MSH6: variants seen among roughly 807,000 people sequenced by gnomAD.
MSH6 encodes mutS homolog 6.
Under a neutral mutation model 119.1 loss-of-function variants are expected in MSH6, and 85 were observed. The observed-to-expected ratio is 0.71, with a 90% confidence interval of 0.60 to 0.85. The LOEUF (loss-of-function observed/expected upper bound fraction) is 0.85. Ranked by LOEUF, MSH6 falls within the 40% of genes least tolerant of loss-of-function variation. The probability of loss-of-function intolerance (pLI) is 0.00; values close to 1 mark genes in which losing one functional copy is unlikely to be tolerated. For missense variants in MSH6, 2,163 were observed against 1,655.3 expected (o/e 1.31, Z -5.32); for synonymous variants, 830 against 586.9 (o/e 1.41, Z -5.99).
At chr2:47,795,222 C>A (rs1423622371) in intron 2 of MSH6, among the ~76,000 whole-genome samples, 1 of 152,172 alleles carries the variant, frequency 6.6e-6, no homozygotes, top group East Asian at 1.9e-4. Context: ...TGGGTGAACC[C>A]ATAGGGCACC....
chr2:47,804,858 T>C (rs931381121), intron 5 of MSH6, 52 bp from the exon 6 acceptor site: 7 of 1,394,756 alleles, frequency 5.0e-6, no homozygotes, highest in Non-Finnish European at 7.1e-6. Context: ...GACAAAAGTT[T>C]ATGAAACTGT....
At chr2:47,809,585 C>G (rs1670471006), downstream of MSH6, 4 of 1,557,394 alleles carry the variant, frequency 2.6e-6, no homozygotes, top group East Asian at 2.2e-5. Context: ...ATAGGTATAG[C>G]AGACTCCAAC....
chr2:47,807,001 T>C (rs1670252384), downstream of MSH6: 8 of 694,600 alleles, frequency 1.2e-5, no homozygotes, highest in East Asian at 8.1e-5. Flanking sequence ...TTAATTCTTA[T>C]CTACCTTCTA....
Position 47,806,220 on chromosome 2 carries a change from A to G in MSH6, c.3663A>G (p.Thr1221=), listed in dbSNP as rs876660304. The G allele has an allele frequency of 6.2e-7, 1 of 1,614,082 alleles. No individual in the cohort carries two copies. The highest frequency in any genetic ancestry group is 8.5e-7 in the Non-Finnish European group (1 of 1,179,984). Residue 1221 remains threonine (T), a synonymous_variant, in exon 8 of 10, where the codon ACA becomes ACG. Coordinates refer to ENST00000234420, the MANE Select transcript of MSH6 (RefSeq NM_000179.3). ...CTTTAACAGGAAGAGGTACTGCAAC[A>G]TTTGATGGGACGGCAATAGCAAATG... ...LVDELGRGTA[T]FDGTAIANAV...
rs63750784 is a variant in MSH6, at chr2:47,803,453, G to A, written c.3206G>A (p.Gly1069Glu). 3 of 1,614,132 alleles carry A rather than the reference G, an allele frequency of 1.9e-6. No individual in the cohort carries two copies. The highest frequency in any genetic ancestry group is 1.7e-6 in the Non-Finnish European group (2 of 1,180,038). ...CTGTGCCTGGCTAACTATAGTCGAG[G>A]GGGTGATGGTCCTATGTGTCGCCCA... ...VLLCLANYSR[G>E]GDGPMCRPVI... The change falls in exon 5 of 10, where the codon GGG (glycine) becomes GAG (glutamate). Residue 1069 changes from glycine to glutamate, a missense_variant. Physicochemically the swap from Gly to Glu is moderately conservative, Grantham distance 98 (BLOSUM62 -2). Coordinates refer to ENST00000234420, the MANE Select transcript of MSH6 (RefSeq NM_000179.3).
chr2:47,784,269 GAT>G, intron 1 of MSH6: 1 of 989,616 alleles, frequency 1.0e-6, no homozygotes, highest in Non-Finnish European at 1.2e-6. Flanking sequence ...CCGAGACGAA[GAT>G]AGAATATTTT....
chr2:47,786,646 G>A (rs901064870), intron 1 of MSH6, among the ~76,000 whole-genome samples: 2 of 152,024 alleles, frequency 1.3e-5, no homozygotes, highest in African/African-American at 2.4e-5. Context: ...GAGCCACCGT[G>A]TCTGTCCGAG....
chr2:47,804,026 C>T (rs1305695132), intron 5 of MSH6, among the ~76,000 whole-genome samples: 2 of 152,126 alleles, frequency 1.3e-5, no homozygotes, highest in African/African-American at 4.8e-5. Flanking sequence ...CAGGTTTATC[C>T]TTAAATTAGA....
chr2:47,809,516 TA>T, downstream of MSH6: 1 of 982,618 alleles, frequency 1.0e-6, no homozygotes, highest in Non-Finnish European at 1.5e-6. Flanking sequence ...GAGAGTGACA[TA>T]AGGAATCAAG....
At chr2:47,786,833 A>C (rs1668380098) in intron 1 of MSH6, among the ~76,000 whole-genome samples, 1 of 151,692 alleles carries the variant, frequency 6.6e-6, no homozygotes, top group Non-Finnish European at 1.5e-5. Context: ...TAGAGGTCTC[A>C]CTTTGTTGCC....
chr2:47,788,221 A>ATTTCT (rs1668458390), intron 1 of MSH6, among the ~76,000 whole-genome samples: 1 of 96,952 alleles, frequency 1.0e-5, no homozygotes, highest in Non-Finnish European at 2.2e-5. Context: ...GCTTACTGCT[A>ATTTCT]TTTCTTTTCT....
rs775248712 is a variant in MSH6 at position 47,803,510 on chromosome 2, T to C, written c.3263T>C (p.Phe1088Ser). ...VILLPEDTPP[F>S]LELKGSRHPC... ...CTGTTGCCGGAAGATACCCCCCCCT[T>C]CTTAGAGCTTAAAGGATCACGCCAT... Residue 1088 changes from phenylalanine (F) to serine (S), a missense_variant, in exon 5 of 10, where the codon TTC becomes TCC. Transcript: ENST00000234420. 2 of 1,614,092 alleles carry C rather than the reference T, an allele frequency of 1.2e-6. No homozygotes were observed. The highest frequency in any genetic ancestry group is 2.2e-5 in the South Asian group (2 of 91,066).
At chr2:47,808,158 G>C (rs1447625316), downstream of MSH6, 1 of 1,613,272 alleles carries the variant, frequency 6.2e-7, no homozygotes, top group Admixed American at 1.7e-5. Context: ...AGGTGGAGCA[G>C]AGTCATATAG....
At position 47,800,925 on chromosome 2, in the gene MSH6, T is replaced by C. The variant is rs1669530348; in HGVS notation, c.2942T>C (p.Ile981Thr). The change falls in exon 4 of 10, where the codon ATT becomes ACT. Residue 981 changes from isoleucine to threonine, a missense_variant. Ile to Thr is a moderately conservative substitution (Grantham distance 89, BLOSUM62 -1). Coordinates refer to ENST00000234420, the MANE Select transcript of MSH6 (RefSeq NM_000179.3). ...GGTAGGAACCGTTACCAGCTGGAAA[T>C]TCCTGAGAATTTCACCACTCGCAAT... ...GIGRNRYQLE[I>T]PENFTTRNLP... The C allele has an allele frequency of 6.3e-7, 1 of 1,578,638 alleles. No individual in the cohort carries two copies. Among genetic ancestry groups the C allele is most frequent in the South Asian group, 1.2e-5 (1 of 85,434 alleles).
At chr2:47,808,309 C>T, downstream of MSH6, 1 of 1,612,118 alleles carries the variant, frequency 6.2e-7, no homozygotes, top group Non-Finnish European at 8.5e-7. Flanking sequence ...GGTAATATAT[C>T]AAGCAAGTGT....
Position 47,788,246 on chromosome 2 carries a change from C to CTTTTTTTT in MSH6, c.261-2662_261-2655dup, listed in dbSNP as rs560110301. 8.5e-3 allele frequency among the ~76,000 whole-genome samples: 766 copies of CTTTTTTTT among 90,096 alleles called. 3 individuals carry two copies. The highest frequency in any genetic ancestry group is 0.01 in the Non-Finnish European group (505 of 48,436). The allele number at this position is 90,096 out of a possible 152,430, so 59.1% of individuals were successfully genotyped here. On this transcript the variant is annotated intron_variant, in intron 1 of 9. Coordinates refer to ENST00000234420, the MANE Select transcript of MSH6 (RefSeq NM_000179.3). ...ATTTCTTTTCTTTCATTCTTTCTTT[C>CTTTTTTTT]TTTTTTTTTTTTTTTTTTTTTTTTT...
chr2:47,788,934 T>TTTTTTTTTTTTTTTTG (rs1668554089), intron 1 of MSH6, among the ~76,000 whole-genome samples: 5 of 99,652 alleles, frequency 5.0e-5, no homozygotes, highest in Admixed American at 9.8e-5. Context: ...TTTTTTTTTT[T>TTTTTTTTTTTTTTTTG]TTTTTTTTTT....
rs1558660372 is a variant in MSH6 at position 47,799,053 on chromosome 2, A to C, written c.1070A>C (p.Asp357Ala). Residue 357 changes from aspartate (D) to alanine (A), a missense_variant, in exon 4 of 10, where the codon GAT (aspartate) becomes GCT (alanine). Asp to Ala is a moderately radical substitution (Grantham distance 126). Transcript: ENST00000234420. The part of the protein sequence containing the change: ...ESQAHVSGGG[D>A]DSSRPTVWYH... ...CAAGCCCACGTTAGTGGAGGTGGTG[A>C]TGACAGTAGTCGCCCTACTGTTTGG... is the stretch of plus-strand genomic sequence containing the variant. 1.2e-6 allele frequency: 2 copies of C among 1,614,200 alleles called. No homozygotes were observed. The highest frequency in any genetic ancestry group is 1.7e-6 in the Non-Finnish European group (2 of 1,180,028).
Position 47,800,892 on chromosome 2 carries a change from G to A in MSH6, c.2909G>A (p.Trp970Ter), listed in dbSNP as rs2104430094. The change falls in exon 4 of 10, where the codon TGG (tryptophan) becomes TAG (stop). Residue 970 changes from tryptophan to a stop codon, truncating the protein, a stop_gained. Transcript: ENST00000234420. LOFTEE classifies it high-confidence loss of function. ...ATTGGCTGTAGGACCATAGTCTATT[G>A]GGGGATTGGTAGGAACCGTTACCAG... The part of the protein sequence containing the change: ...NRIGCRTIVY[W>*]GIGRNRYQLE... The A allele has an allele frequency of 6.2e-7, 1 of 1,605,160 alleles. No homozygotes were observed. The highest frequency in any genetic ancestry group is 8.5e-7 in the Non-Finnish European group (1 of 1,176,052).
Sources: allele counts gnomAD v4.1 joint callset (sites outside exome capture counted in the v4.1 genomes callset), GRCh38; gene constraint gnomAD v4.1.1; transcripts MANE v1.5; gene names NCBI Gene and HGNC (gene_info 2026-07-23, HGNC 2026-07-21).